The following QTGAL variants were observed in gnomAD, a reference collection of about 807,000 sequenced individuals.
The protein encoded by QTGAL is BGnT-like protein 1.
the QTGAL span, among the ~76,000 whole-genome samples, chr17:82,967,411 A>T: frequency 7.2e-3 from 1,091 of 152,244 alleles, 14 homozygotes; most frequent in African/African-American, 0.024. Context: ...TGAAGCCTAA[A>T]GACTTTCTGC....
chr17:83,041,704 C>A, the QTGAL span, among the ~76,000 whole-genome samples: 1 of 152,188 alleles, frequency 6.6e-6, no homozygotes, highest in Non-Finnish European at 1.5e-5. Context: ...ATGGCCACTG[C>A]CTGGTATCCT....
chr17:83,032,749 T>C, the QTGAL span, among the ~76,000 whole-genome samples: 4 of 152,170 alleles, frequency 2.6e-5, no homozygotes, highest in African/African-American at 9.7e-5. Flanking sequence ...GGGAGAAATC[T>C]GAGGTGTTTT....
chr17:83,002,220 G>C, the QTGAL span, among the ~76,000 whole-genome samples: 1 of 151,966 alleles, frequency 6.6e-6, no homozygotes, highest in African/African-American at 2.4e-5. Context: ...TAACACTCAG[G>C]AGAAAGCCTG....
the QTGAL span, among the ~76,000 whole-genome samples, chr17:83,016,472 G>A: frequency 2.6e-5 from 4 of 151,388 alleles, no homozygotes; most frequent in East Asian, 2.0e-4. Context: ...AATAAAGGAG[G>A]GTGGAGAATG....
the QTGAL span, among the ~76,000 whole-genome samples, chr17:82,972,072 CCGACACACCACACCA>C: frequency 2.0e-5 from 1 of 50,930 alleles, no homozygotes; most frequent in Non-Finnish European, 3.6e-5. Context: ...GGACCTGGTG[CCGACACACCACACCA>C]TGGGCCAGAA....
chr17:82,990,196 T>C, the QTGAL span, among the ~76,000 whole-genome samples: 3 of 152,262 alleles, frequency 2.0e-5, no homozygotes, highest in Admixed American at 2.0e-4. Flanking sequence ...CCAGGTTTAA[T>C]ACAAACCATA....
the QTGAL span, among the ~76,000 whole-genome samples, chr17:82,986,542 A>G: frequency 6.6e-6 from 1 of 152,256 alleles, no homozygotes; most frequent in African/African-American, 2.4e-5. Context: ...TAAATGGAAG[A>G]AGGTCTTTTT....
chr17:82,979,970 GGAA>G, the QTGAL span, among the ~76,000 whole-genome samples: 1 of 152,190 alleles, frequency 6.6e-6, no homozygotes, highest in Non-Finnish European at 1.5e-5. Flanking sequence ...AGCAACCAGT[GGAA>G]GAAGGATTTT....
chr17:82,969,144 A>AG, the QTGAL span, among the ~76,000 whole-genome samples: 1 of 151,530 alleles, frequency 6.6e-6, no homozygotes, highest in African/African-American at 2.4e-5. Context: ...GAAAAAAAAA[A>AG]AAAAAGAAAA....
chr17:83,048,481 A>G, the QTGAL span: 1 of 1,610,344 alleles, frequency 6.2e-7, no homozygotes, highest in Non-Finnish European at 8.5e-7. Context: ...CGCCTCTAGG[A>G]GAGGGAGAAT....
the QTGAL span, among the ~76,000 whole-genome samples, chr17:82,954,272 A>G: frequency 6.6e-6 from 1 of 152,198 alleles, no homozygotes; most frequent in African/African-American, 2.4e-5. Flanking sequence ...AAACTCCTTA[A>G]GCTGATAAGC....
the QTGAL span, among the ~76,000 whole-genome samples, chr17:82,987,202 G>A: frequency 1.3e-5 from 2 of 152,022 alleles, no homozygotes; most frequent in African/African-American, 4.8e-5. Context: ...TATCTCATGT[G>A]CTCCATAATT....
chr17:83,025,622 G>A, the QTGAL span, among the ~76,000 whole-genome samples: 6 of 86,448 alleles, frequency 6.9e-5, no homozygotes, highest in East Asian at 3.6e-4. Context: ...CGGACACCGC[G>A]GAGAGTCCAC....
chr17:82,961,946 C>T, the QTGAL span, among the ~76,000 whole-genome samples: 2 of 150,104 alleles, frequency 1.3e-5, no homozygotes, highest in Non-Finnish European at 3.0e-5. Context: ...TGTGTGGAGC[C>T]GGGCCCCTGT....
the QTGAL span, among the ~76,000 whole-genome samples, chr17:82,960,824 T>C: frequency 1.3e-5 from 2 of 152,234 alleles, no homozygotes; most frequent in African/African-American, 4.8e-5. Context: ...GGAAGGACGT[T>C]CGGCCTTCAC....
the QTGAL span, among the ~76,000 whole-genome samples, chr17:82,960,749 G>A: frequency 4.4e-4 from 67 of 152,360 alleles, no homozygotes; most frequent in African/African-American, 1.2e-3. Flanking sequence ...GACTCCCGTC[G>A]GGTTAAAGGG....
the QTGAL span, among the ~76,000 whole-genome samples, chr17:83,043,076 A>G: frequency 1.1e-4 from 16 of 152,214 alleles, no homozygotes; most frequent in Non-Finnish European, 2.2e-4. Flanking sequence ...TTCTACCGTA[A>G]CAGTCGGAGA....
chr17:82,977,704 G>A, the QTGAL span, among the ~76,000 whole-genome samples: 1 of 152,096 alleles, frequency 6.6e-6, no homozygotes, highest in African/African-American at 2.4e-5. Flanking sequence ...TCTGTGAAAT[G>A]GAGGTGTTCA....
At chr17:82,974,011 C>T in the QTGAL span, among the ~76,000 whole-genome samples, 8 of 152,206 alleles carry the variant, frequency 5.3e-5, no homozygotes, top group East Asian at 3.9e-4. Flanking sequence ...CGCGTTTCAC[C>T]GTGGGTCGAG....
Sources: gnomAD v4.1 joint callset for allele counts (sites outside exome capture counted in the v4.1 genomes callset) on GRCh38, gnomAD v4.1.1 for gene constraint, MANE v1.5 for transcripts, NCBI Gene and HGNC (gene_info 2026-07-23, HGNC 2026-07-21) for gene names.